GRID2: variants seen among roughly 807,000 people sequenced by gnomAD.
GRID2 encodes glutamate receptor ionotropic, delta-2.
GRID2 carries 33 observed loss-of-function variants against 114.8 expected under a neutral mutation model. The ratio of observed to expected loss-of-function variants is 0.29; its 90% CI spans 0.22 to 0.38. The LOEUF (loss-of-function observed/expected upper bound fraction) is 0.38, where lower values mean the gene tolerates loss of function less well. Among genes scored for constraint, GRID2 ranks in the 10% least tolerant of loss-of-function variants. The pLI is 1.00. For missense variants in GRID2, 1,184 were observed against 1,257.7 expected (o/e 0.94, Z 0.89); for synonymous variants, 505 against 449.9 (o/e 1.12, Z -1.55).
chr4:93,506,951 C>T (rs887556934), intron 12 of GRID2, among the ~76,000 whole-genome samples: 2 of 152,172 alleles, frequency 1.3e-5, no homozygotes, highest in Non-Finnish European at 2.9e-5. Flanking sequence ...TCTCTGGGTT[C>T]CTCCTGAATT....
chr4:92,932,933 G>A (rs1750359126), intron 2 of GRID2, among the ~76,000 whole-genome samples: 1 of 151,034 alleles, frequency 6.6e-6, no homozygotes, highest in African/African-American at 2.4e-5. Flanking sequence ...GGTAGAAGTG[G>A]GAATGATTGA....
chr4:93,038,017 G>A (rs188159899), intron 2 of GRID2, among the ~76,000 whole-genome samples: 1 of 152,188 alleles, frequency 6.6e-6, no homozygotes, highest in Admixed American at 6.5e-5. Flanking sequence ...AATTTGATGG[G>A]GATAGCACTG....
chr4:93,075,308 T>C (rs957966994), intron 2 of GRID2, among the ~76,000 whole-genome samples: 2 of 152,134 alleles, frequency 1.3e-5, no homozygotes, highest in Non-Finnish European at 2.9e-5. Flanking sequence ...TTCTCAGCAA[T>C]AAAAGGAGAC....
intron 8 of GRID2, among the ~76,000 whole-genome samples, chr4:93,278,357 G>A (rs1431791626): frequency 6.6e-6 from 1 of 151,940 alleles, no homozygotes; most frequent in African/African-American, 2.4e-5. Flanking sequence ...GCGCTTGAAG[G>A]CAAAGACTGA....
intron 14 of GRID2, among the ~76,000 whole-genome samples, chr4:93,654,384 T>C (rs566990702): frequency 6.6e-6 from 1 of 152,228 alleles, no homozygotes; most frequent in Non-Finnish European, 1.5e-5. Context: ...GTTCTGATGC[T>C]GTATTTAGTT....
At chr4:92,940,581 C>T (rs1751034738) in intron 2 of GRID2, among the ~76,000 whole-genome samples, 2 of 152,156 alleles carry the variant, frequency 1.3e-5, no homozygotes, top group Admixed American at 6.5e-5. Flanking sequence ...CCTAATTGCC[C>T]TGGCCAGAAC....
At chr4:92,634,193 C>A (rs940264343) in intron 2 of GRID2, among the ~76,000 whole-genome samples, 1 of 151,768 alleles carries the variant, frequency 6.6e-6, no homozygotes, top group African/African-American at 2.4e-5. Flanking sequence ...CATTCAAAGC[C>A]GTCCTGGGCC....
Position 92,619,388 on chromosome 4 carries a change from A to C in GRID2, c.244+29102A>C, listed in dbSNP as rs185418093. Among the ~76,000 whole-genome samples the C allele has an allele frequency of 4.1e-3, 615 of 151,844 alleles. 7 individuals are homozygous for C. The highest frequency in any genetic ancestry group is 0.014 in the African/African-American group (579 of 41,512). The stretch of plus-strand genomic sequence containing the variant: ...CAGCTTCCCAGACCAGGAGGGGCTT[A>C]TAGAGTTTATCAAGGACCACTGTGT... On this transcript the variant is annotated intron_variant, in intron 2 of 15. Coordinates refer to ENST00000282020, the MANE Select transcript of GRID2 (RefSeq NM_001510.4).
At chr4:93,450,351 G>A (rs182218222) in intron 10 of GRID2, among the ~76,000 whole-genome samples, 36 of 151,880 alleles carry the variant, frequency 2.4e-4, no homozygotes, top group African/African-American at 7.2e-4. Flanking sequence ...TATTTCAAAT[G>A]CAAAATTTTC....
chr4:93,671,814 CA>C (rs1285020447), intron 14 of GRID2, among the ~76,000 whole-genome samples: 57 of 144,876 alleles, frequency 3.9e-4, no homozygotes, highest in Non-Finnish European at 3.4e-4. Context: ...ACCAAAAATA[CA>C]AAAAAAAAAA....
intron 2 of GRID2, among the ~76,000 whole-genome samples, chr4:93,029,560 G>C (rs1052372304): frequency 6.6e-6 from 1 of 152,006 alleles, no homozygotes; most frequent in Non-Finnish European, 1.5e-5. Context: ...GAAATAGAAA[G>C]TACCAGTAAA....
intron 8 of GRID2, among the ~76,000 whole-genome samples, chr4:93,324,343 A>C (rs1757590127): frequency 6.6e-6 from 1 of 152,026 alleles, no homozygotes; most frequent in Non-Finnish European, 1.5e-5. Flanking sequence ...TATATGATGG[A>C]TTATGTTTAT....
At chr4:93,238,625 A>G in intron 8 of GRID2, 135 bp downstream of exon 8, 1 of 594,912 alleles carries the variant, frequency 1.7e-6, no homozygotes, top group South Asian at 2.6e-5. Flanking sequence ...GGTGAGGGGA[A>G]ATTAGGCATT....
intron 1 of GRID2, among the ~76,000 whole-genome samples, chr4:93,787,846 A>G (rs1196184534): frequency 6.6e-6 from 1 of 152,206 alleles, no homozygotes; most frequent in African/African-American, 2.4e-5. Flanking sequence ...GCTTAGCTAT[A>G]GAAAGGAAAA....
At chr4:92,755,599 A>G (rs184975667) in intron 2 of GRID2, among the ~76,000 whole-genome samples, 4 of 152,254 alleles carry the variant, frequency 2.6e-5, no homozygotes, top group Non-Finnish European at 5.9e-5. Context: ...GTTACAGGCA[A>G]TGTTAAGAAA....
At chr4:92,876,752 G>A (rs1254274717) in intron 2 of GRID2, among the ~76,000 whole-genome samples, 1 of 152,180 alleles carries the variant, frequency 6.6e-6, no homozygotes, top group Admixed American at 6.5e-5. Flanking sequence ...AACCCACAGG[G>A]AGCAGCAGAA....
Position 93,490,498 on chromosome 4 carries a change from G to T in GRID2, c.1859-141G>T, listed in dbSNP as rs1011689391. ...AAAAGAGAATTAAATATGGAGTGAT[G>T]AAAATATAGAGATCTATGTTGATGT... On this transcript the variant is annotated intron_variant, in intron 11 of 15. Transcript: ENST00000282020. The T allele has an allele frequency of 1.3e-5, 7 of 542,404 alleles. No individual in the cohort carries two copies. In the African/African-American group the frequency reaches 1.3e-4, roughly 10 times the overall value. 33.6% of individuals were successfully genotyped at this position (542,404 alleles called of 1,614,324 possible). A position where few individuals can be genotyped will look rare whatever the true frequency, so the allele number is the denominator to read the frequency against.
intron 2 of GRID2, among the ~76,000 whole-genome samples, chr4:92,662,852 G>A (rs1260225004): frequency 6.6e-6 from 1 of 151,030 alleles, no homozygotes; most frequent in Non-Finnish European, 1.5e-5. Context: ...ATAAAAGAAT[G>A]TATACTATAT....
intron 14 of GRID2, among the ~76,000 whole-genome samples, chr4:93,722,182 C>G (rs1729437453): frequency 6.6e-6 from 1 of 152,010 alleles, no homozygotes; most frequent in East Asian, 1.9e-4. Flanking sequence ...TACCAAAGTG[C>G]TAGGATTACA....
Sources: allele counts gnomAD v4.1 joint callset (sites outside exome capture counted in the v4.1 genomes callset), GRCh38; gene constraint gnomAD v4.1.1; transcripts MANE v1.5; gene names NCBI Gene and HGNC (gene_info 2026-07-23, HGNC 2026-07-21).